The following SLC35F3 variants were observed in gnomAD, a reference collection of about 807,000 sequenced individuals.
SLC35F3 encodes the protein solute carrier family 35 member F3.
In SLC35F3, 25 loss-of-function variants were observed where a neutral mutation model predicts 49.9. The ratio of observed to expected loss-of-function variants is 0.50; its 90% CI spans 0.37 to 0.70. The LOEUF is 0.70. SLC35F3 is among the 30% of genes least tolerant of loss of function. SLC35F3 has a pLI of 0.00. For missense variants in SLC35F3, 525 were observed against 639.8 expected (o/e 0.82, Z 1.94); for synonymous variants, 275 against 265.4 (o/e 1.04, Z -0.35).
intron 3 of SLC35F3, 86 bp from the exon 4 acceptor site, chr1:234,309,015 T>TAA (rs11359233): frequency 0.023 from 22,017 of 947,800 alleles, 205 homozygotes; most frequent in South Asian, 0.054. Context: ...TATATTTGCT[T>TAA]AAAAAAAAAA....
In SLC35F3 at chr1:234,065,397, T is replaced by C. The variant is rs144654946; in HGVS notation, c.283+159639T>C. 4.1e-3 allele frequency among the ~76,000 whole-genome samples: 619 copies of C among 152,312 alleles called. 3 individuals carry two copies. The highest frequency in any genetic ancestry group is 0.011 in the African/African-American group (471 of 41,564). On this transcript the variant is annotated intron_variant, in intron 2 of 7. Transcript: ENST00000366618. ...TTCCTGATCTCGTGACTCGCCCACC[T>C]CAGCCTCCCAAAGTGCTGGTATTAC...
intron 3 of SLC35F3, among the ~76,000 whole-genome samples, chr1:234,254,121 C>G (rs1277915116): frequency 6.6e-6 from 1 of 152,204 alleles, no homozygotes; most frequent in Admixed American, 6.5e-5. Flanking sequence ...GAAGACTGGC[C>G]TTGGTTTTCC....
intron 3 of SLC35F3, among the ~76,000 whole-genome samples, chr1:234,276,932 T>C (rs1240697982): frequency 6.6e-6 from 1 of 152,210 alleles, no homozygotes; most frequent in Non-Finnish European, 1.5e-5. Context: ...GCATCAACAG[T>C]GAAGCAGGTG....
intron 2 of SLC35F3, among the ~76,000 whole-genome samples, chr1:234,157,612 T>C (rs565029785): frequency 1.1e-4 from 16 of 152,372 alleles, no homozygotes; most frequent in African/African-American, 3.8e-4. Context: ...TCAGCATCCA[T>C]GTCTTCACAC....
At chr1:233,954,652 C>A (rs571606275) in intron 2 of SLC35F3, among the ~76,000 whole-genome samples, 1 of 152,298 alleles carries the variant, frequency 6.6e-6, no homozygotes, top group African/African-American at 2.4e-5. Context: ...CAAAGCCTCC[C>A]AAAGATAAAG....
intron 2 of SLC35F3, among the ~76,000 whole-genome samples, chr1:233,981,762 G>A (rs1174638592): frequency 6.6e-6 from 1 of 152,100 alleles, no homozygotes; most frequent in African/African-American, 2.4e-5. Context: ...CAAAGTGGTG[G>A]TAGTATTTTA....
intron 3 of SLC35F3, among the ~76,000 whole-genome samples, chr1:234,264,793 T>A (rs1011222516): frequency 2.0e-5 from 3 of 152,150 alleles, no homozygotes; most frequent in Non-Finnish European, 2.9e-5. Context: ...GCTCAAGTGA[T>A]CCTCCCACAT....
intron 3 of SLC35F3, among the ~76,000 whole-genome samples, chr1:234,288,657 C>T (rs1030584196): frequency 2.3e-4 from 35 of 152,318 alleles, no homozygotes; most frequent in African/African-American, 8.2e-4. Flanking sequence ...TTGCTCAACT[C>T]ATATCATCTC....
At chr1:233,915,966 G>A (rs1661961932) in intron 2 of SLC35F3, among the ~76,000 whole-genome samples, 1 of 152,210 alleles carries the variant, frequency 6.6e-6, no homozygotes, top group African/African-American at 2.4e-5. Context: ...AACCAGATCA[G>A]TAGGTATGGG....
At chr1:234,026,100 ATGGT>A (rs1663974274) in intron 2 of SLC35F3, among the ~76,000 whole-genome samples, 1 of 152,132 alleles carries the variant, frequency 6.6e-6, no homozygotes, top group Admixed American at 6.5e-5. Flanking sequence ...CAAAGATCAG[ATGGT>A]TGTAGGTGTA....
chr1:234,019,001 T>C (rs1175584142), intron 2 of SLC35F3, among the ~76,000 whole-genome samples: 1 of 152,214 alleles, frequency 6.6e-6, no homozygotes, highest in Non-Finnish European at 1.5e-5. Flanking sequence ...AGAAGAGCAA[T>C]GCTACCTTTG....
rs936435267 is a variant in SLC35F3, at chr1:234,214,970, T to C, written c.284-16447T>C. 7.5e-5 allele frequency: 13 copies of C among 173,492 alleles called. No individual in the cohort carries two copies. Among genetic ancestry groups the C allele is most frequent in the African/African-American group, 3.1e-4 (13 of 42,228 alleles). 10.7% of individuals were successfully genotyped at this position (173,492 alleles called of 1,614,324 possible). On this transcript the variant is annotated intron_variant, in intron 2 of 7. Coordinates refer to ENST00000366618, the MANE Select transcript of SLC35F3 (RefSeq NM_173508.4). This position sits in a 1 kb window ranked among gnomAD's most constrained non-coding sequence, Gnocchi z 8.0. Reference sequence around the variant, plus strand: ...CACACACACACTTGAGTTGCCTGGGTGTGGAGCTCTGTGCCTCACCCCCAG... The same window carrying C: ...CACACACACACTTGAGTTGCCTGGGCGTGGAGCTCTGTGCCTCACCCCCAG...
intron 2 of SLC35F3, among the ~76,000 whole-genome samples, chr1:234,010,675 C>T (rs139535172): frequency 6.6e-6 from 1 of 152,210 alleles, no homozygotes; most frequent in Non-Finnish European, 1.5e-5. Flanking sequence ...TATAACATTG[C>T]AGTCTATCTC....
chr1:234,161,309 G>C (rs550520812), intron 2 of SLC35F3, among the ~76,000 whole-genome samples: 2 of 152,174 alleles, frequency 1.3e-5, no homozygotes, highest in African/African-American at 2.4e-5. Context: ...TACCTTGCTC[G>C]AGATCAAATT....
chr1:234,146,742 G>A (rs73106454), intron 2 of SLC35F3, among the ~76,000 whole-genome samples: 5,513 of 152,040 alleles, frequency 0.036, 354 homozygotes, highest in African/African-American at 0.13. Flanking sequence ...TCCAGCTCCC[G>A]ACTTCAGGTA....
intron 2 of SLC35F3, among the ~76,000 whole-genome samples, chr1:234,228,818 G>T (rs73110475): frequency 0.094 from 14,300 of 151,994 alleles, 1,279 homozygotes; most frequent in African/African-American, 0.24. Context: ...GATATCCCTG[G>T]GTGCTAACAT....
intron 2 of SLC35F3, among the ~76,000 whole-genome samples, chr1:233,975,821 G>A (rs1663070392): frequency 6.6e-6 from 1 of 152,206 alleles, no homozygotes; most frequent in Non-Finnish European, 1.5e-5. Context: ...GGGCAGGGGT[G>A]GAACTGGACA....
At chr1:234,241,479 G>A (rs1339980028) in intron 3 of SLC35F3, among the ~76,000 whole-genome samples, 1 of 152,108 alleles carries the variant, frequency 6.6e-6, no homozygotes, top group African/African-American at 2.4e-5. Context: ...GCTCACTTCA[G>A]TAACCCCAGC....
At chr1:234,042,320 A>G (rs1355739408) in intron 2 of SLC35F3, among the ~76,000 whole-genome samples, 1 of 152,222 alleles carries the variant, frequency 6.6e-6, no homozygotes, top group Non-Finnish European at 1.5e-5. Context: ...CATTCTGATG[A>G]TATGGTACCA....
Sources: gnomAD v4.1 joint callset for allele counts (sites outside exome capture counted in the v4.1 genomes callset) on GRCh38, gnomAD v4.1.1 for gene constraint, Gnocchi (gnomAD v3.1) non-coding constraint, MANE v1.5 for transcripts, NCBI Gene and HGNC (gene_info 2026-07-23, HGNC 2026-07-21) for gene names.